Variants in MEGF11 observed in about 807,000 individuals in gnomAD.
MEGF11 encodes the protein multiple EGF like domains 11, also known as multiple epidermal growth factor-like domains protein 11.
In MEGF11, 126 loss-of-function variants were observed where a neutral mutation model predicts 146.6. The observed-to-expected ratio is 0.86, with a 90% CI of 0.74 to 1.00. The LOEUF is 1.00. Ranked by LOEUF, MEGF11 falls within the 50% of genes least tolerant of loss-of-function variation. The pLI is 0.00. For missense variants in MEGF11, 1,509 were observed against 1,521.2 expected (o/e 0.99, Z 0.13); for synonymous variants, 532 against 583.4 (o/e 0.91, Z 1.27).
At chr15:66,141,921 C>T (rs990017531) in intron 1 of MEGF11, among the ~76,000 whole-genome samples, 5 of 152,162 alleles carry the variant, frequency 3.3e-5, no homozygotes, top group Admixed American at 6.5e-5. Context: ...ATAAGCCCTA[C>T]TCCTCACTCC....
intron 1 of MEGF11, among the ~76,000 whole-genome samples, chr15:66,211,566 C>G (rs2091454282): frequency 6.6e-6 from 1 of 151,172 alleles, no homozygotes; most frequent in African/African-American, 2.4e-5. Context: ...GTGAGCTGCA[C>G]TCAAGGAAGC....
intron 13 of MEGF11, among the ~76,000 whole-genome samples, chr15:65,927,888 A>G (rs1040161542): frequency 2.6e-5 from 4 of 152,212 alleles, no homozygotes; most frequent in Non-Finnish European, 4.4e-5. Flanking sequence ...AGGCATTCTG[A>G]ACAGGGACTG....
intron 5 of MEGF11, among the ~76,000 whole-genome samples, chr15:66,090,803 A>C (rs575518211): frequency 2.0e-5 from 3 of 152,248 alleles, no homozygotes; most frequent in Admixed American, 1.3e-4. Context: ...GTTTATTAAC[A>C]AGAAAATGAG....
At chr15:66,144,887 T>C (rs547052951) in intron 1 of MEGF11, among the ~76,000 whole-genome samples, 1 of 152,362 alleles carries the variant, frequency 6.6e-6, no homozygotes, top group East Asian at 1.9e-4. Flanking sequence ...GCCTCTGATA[T>C]GCCAGGCACT....
chr15:66,124,082 G>C, intron 2 of MEGF11, 82 bp from the exon 3 acceptor site: 1 of 1,116,476 alleles, frequency 9.0e-7, no homozygotes, highest in South Asian at 1.3e-5. Context: ...TGAGCCCACA[G>C]CCCTGAGGCC....
intron 5 of MEGF11, among the ~76,000 whole-genome samples, chr15:66,019,856 A>T (rs77265144): frequency 0.034 from 5,197 of 152,220 alleles, 205 homozygotes; most frequent in African/African-American, 0.094. Context: ...GTTACCTAGG[A>T]GCTTTTATCC....
At chr15:66,251,757 G>T (rs910460378) in intron 1 of MEGF11, among the ~76,000 whole-genome samples, 1 of 152,248 alleles carries the variant, frequency 6.6e-6, no homozygotes, top group Admixed American at 6.5e-5. Flanking sequence ...CCGTATAGCA[G>T]CTCTAAGCAA....
chr15:66,019,560 A>C (rs1002475175), intron 5 of MEGF11, among the ~76,000 whole-genome samples: 10 of 152,148 alleles, frequency 6.6e-5, no homozygotes, highest in African/African-American at 2.4e-4. Context: ...AGCAGCTCTG[A>C]GGGAGGCTAG....
intron 5 of MEGF11, among the ~76,000 whole-genome samples, chr15:66,026,255 G>A (rs2083327544): frequency 6.6e-6 from 1 of 152,240 alleles, no homozygotes; most frequent in African/African-American, 2.4e-5. Context: ...TGATTCAGGA[G>A]GTGTGGCGAG....
At chr15:66,176,307 G>C (rs1785075013) in intron 1 of MEGF11, among the ~76,000 whole-genome samples, 1 of 152,130 alleles carries the variant, frequency 6.6e-6, no homozygotes, top group South Asian at 2.1e-4. Context: ...CCACTGCTGG[G>C]TATTTATCCA....
intron 10 of MEGF11, among the ~76,000 whole-genome samples, chr15:65,953,521 C>T (rs981588814): frequency 2.6e-5 from 4 of 152,226 alleles, no homozygotes; most frequent in African/African-American, 9.6e-5. Flanking sequence ...CTCCATGGGC[C>T]CTTGTGAGGC....
intron 5 of MEGF11, among the ~76,000 whole-genome samples, chr15:66,002,081 A>G (rs2082384682): frequency 6.6e-6 from 1 of 152,072 alleles, no homozygotes; most frequent in South Asian, 2.1e-4. Flanking sequence ...GGATTGGGTG[A>G]GCACAGATCT....
intron 23 of MEGF11, among the ~76,000 whole-genome samples, chr15:65,907,889 G>A (rs185823096): frequency 1.0e-3 from 156 of 152,376 alleles, no homozygotes; most frequent in Middle Eastern, 3.4e-3. Flanking sequence ...GCCTGCCTGG[G>A]TGTAAGACAA....
At position 66,224,213 on chromosome 15, in the gene MEGF11, AC is replaced by A. The variant is rs1325237304; in HGVS notation, c.-9+29391del. Reference sequence around the variant, plus strand: ...TGAGCCTTGGTTTTCTCGTCTGTAAACTGAGAGGATAATAACATTATCTACC... The same window carrying A: ...TGAGCCTTGGTTTTCTCGTCTGTAAATGAGAGGATAATAACATTATCTACC... On this transcript the variant is annotated intron_variant, in intron 1 of 25. Transcript: ENST00000395614. Among the ~76,000 whole-genome samples the A allele has an allele frequency of 2.0e-5, 3 of 152,202 alleles. No individual in the cohort carries two copies. The East Asian group carries it at 5.8e-4, about 29-fold the overall frequency.
intron 5 of MEGF11, among the ~76,000 whole-genome samples, chr15:66,067,835 G>T (rs1035698136): frequency 1.3e-5 from 2 of 152,186 alleles, no homozygotes; most frequent in African/African-American, 4.8e-5. Flanking sequence ...TCGCTAAATG[G>T]TTTGCATGAT....
chr15:66,180,942 G>T lies in MEGF11; in HGVS notation c.-8-52531C>A, dbSNP rs573637526. On this transcript the variant is annotated intron_variant, in intron 1 of 25. Transcript: ENST00000395614. ...CAGAAGAGCCTTTTGCATCTCAATTGCCCTCAGCTGACCACTCACCAGCTC... is the reference window on the plus strand; with the variant it reads ...CAGAAGAGCCTTTTGCATCTCAATTTCCCTCAGCTGACCACTCACCAGCTC... 3.9e-5 allele frequency among the ~76,000 whole-genome samples: 6 copies of T among 152,252 alleles called. No individual in the cohort carries two copies. The South Asian group carries it at 1.2e-3, about 32-fold the overall frequency.
intron 1 of MEGF11, among the ~76,000 whole-genome samples, chr15:66,190,376 G>A (rs1054592721): frequency 3.3e-5 from 5 of 152,084 alleles, no homozygotes; most frequent in African/African-American, 4.8e-5. Flanking sequence ...CACTAGGACC[G>A]CAGGTGTGAG....
chr15:66,065,197 T>A (rs2085072418), intron 5 of MEGF11, among the ~76,000 whole-genome samples: 1 of 151,906 alleles, frequency 6.6e-6, no homozygotes, highest in Non-Finnish European at 1.5e-5. Context: ...TAATATTCTT[T>A]GGCAGTTATC....
chr15:66,106,456 C>T (rs4776728), intron 4 of MEGF11, among the ~76,000 whole-genome samples: 144,263 of 152,200 alleles, frequency 0.95, 68,834 homozygotes, highest in East Asian at 1. Flanking sequence ...CCATAGCACC[C>T]TCCACATGCC....
Sources: allele counts gnomAD v4.1 joint callset (sites outside exome capture counted in the v4.1 genomes callset), GRCh38; gene constraint gnomAD v4.1.1; transcripts MANE v1.5; gene names NCBI Gene and HGNC (gene_info 2026-07-23, HGNC 2026-07-21).